ZMYM4: variants seen among roughly 807,000 people sequenced by gnomAD.
The protein encoded by ZMYM4 is zinc finger MYM-type protein 4.
ZMYM4 carries 31 observed loss-of-function variants against 183.2 expected under a neutral mutation model. The ratio of observed to expected loss-of-function variants is 0.17; its 90% CI spans 0.13 to 0.23. The LOEUF (loss-of-function observed/expected upper bound fraction) is 0.23, where lower values mean the gene tolerates loss of function less well. Ranked by LOEUF, ZMYM4 falls within the 10% of genes least tolerant of loss-of-function variation. The probability of loss-of-function intolerance (pLI) is 1.00; values close to 1 mark genes in which losing one functional copy is unlikely to be tolerated. For missense variants in ZMYM4, 1,273 were observed against 1,840.3 expected (o/e 0.69, Z 5.64); for synonymous variants, 592 against 631.2 (o/e 0.94, Z 0.93).
chr1:35,379,293 A>T (rs574364785), intron 7 of ZMYM4, among the ~76,000 whole-genome samples: 12 of 152,048 alleles, frequency 7.9e-5, no homozygotes, highest in Admixed American at 2.0e-4. Context: ...TAGAGATGGG[A>T]TTTCACCATG....
intron 29 of ZMYM4, 145 bp from the exon 30 acceptor site, chr1:35,419,325 G>A: frequency 2.6e-6 from 2 of 767,856 alleles, no homozygotes; most frequent in Non-Finnish European, 4.1e-6. Flanking sequence ...TATTAGGTTG[G>A]TGCAAAAATA....
At chr1:35,328,895 A>T (rs1356522686) in intron 2 of ZMYM4, among the ~76,000 whole-genome samples, 1 of 152,080 alleles carries the variant, frequency 6.6e-6, no homozygotes, top group African/African-American at 2.4e-5. Flanking sequence ...AAAAAAGATT[A>T]ACTGTATCTC....
chr1:35,389,034 G>A lies in ZMYM4; in HGVS notation c.2388G>A (p.Glu796=), dbSNP rs1644642948. ...VQNNLGGKVE[E]FCCEECMSKY... is the part of the protein sequence containing the mutation. ...ATAATTTAGGAGGGAAAGTGGAAGA[G>A]TTCTGTTGTGAAGAATGCATGTCCA... The change falls in exon 14 of 30, where the codon GAG becomes GAA. Residue 796 remains glutamate (E), a synonymous_variant. Transcript: ENST00000314607. The surrounding 1 kb of genome is among the most constrained non-coding windows in gnomAD (Gnocchi z 4.0). 1 of 1,614,092 alleles carries A rather than the reference G, an allele frequency of 6.2e-7. No individual in the cohort carries two copies. The highest frequency in any genetic ancestry group is 1.3e-5 in the African/African-American group (1 of 75,058).
chr1:35,310,910 A>C (rs992167057), intron 1 of ZMYM4, among the ~76,000 whole-genome samples: 1 of 152,102 alleles, frequency 6.6e-6, no homozygotes, highest in Non-Finnish European at 1.5e-5. Context: ...CACGAGTATG[A>C]AAATCTATAA....
In ZMYM4 at chr1:35,359,325, C is replaced by A; in HGVS notation, c.486C>A (p.Ser162Arg). 6.2e-7 allele frequency: 1 copy of A among 1,610,904 alleles called. No homozygotes were observed. ...RKDFSLVREN[S>R]KETFSGKEKN... ...ATTTTAGTCTAGTAAGAGAAAACAG[C>A]AAAGAGACATTTTCTGGAAAGGAGA... Residue 162 changes from serine (S) to arginine (R), a missense_variant, in exon 3 of 30, where the codon AGC (serine) becomes AGA (arginine). This residue lies in a region of ZMYM4 where 384 missense variants were observed against 465.6 expected (regional missense o/e 0.82). Coordinates refer to ENST00000314607, the MANE Select transcript of ZMYM4 (RefSeq NM_005095.3).
At chr1:35,375,574 C>T (rs1257665072) in intron 7 of ZMYM4, among the ~76,000 whole-genome samples, 2 of 152,312 alleles carry the variant, frequency 1.3e-5, no homozygotes, top group East Asian at 1.9e-4. Flanking sequence ...TCTCTGATAA[C>T]TACTGCTACT....
intron 26 of ZMYM4, 84 bp from the exon 27 acceptor site, chr1:35,413,888 T>C (rs1250962889): frequency 2.5e-6 from 2 of 795,550 alleles, no homozygotes; most frequent in Non-Finnish European, 3.9e-6. Flanking sequence ...AAATTAAGGG[T>C]AAACTGTATT....
At chr1:35,331,321 C>T (rs1642736977) in intron 2 of ZMYM4, among the ~76,000 whole-genome samples, 1 of 152,072 alleles carries the variant, frequency 6.6e-6, no homozygotes, top group Admixed American at 6.6e-5. Flanking sequence ...TTTTAGTTCT[C>T]CTTAAATAAA....
chr1:35,327,343 C>T (rs1642549601), intron 2 of ZMYM4, among the ~76,000 whole-genome samples: 1 of 152,090 alleles, frequency 6.6e-6, no homozygotes, highest in Admixed American at 6.6e-5. Flanking sequence ...TTGAAGCATT[C>T]TGTAGAATAA....
rs540963924 is a variant in ZMYM4 at position 35,294,817 on chromosome 1, T to G, written c.39+25732T>G. On this transcript the variant is annotated intron_variant, in intron 1 of 29. Transcript: ENST00000314607. ...AAAAAATTAATTCAAAAGAATGAGA[T>G]TTGACTACATTGAAAACATTGTCAC... Among the ~76,000 whole-genome samples the G allele has an allele frequency of 2.0e-5, 3 of 152,346 alleles. No homozygotes were observed. In the South Asian group the frequency reaches 6.2e-4, roughly 32 times the overall value.
chr1:35,293,880 G>A (rs1640882020), intron 1 of ZMYM4, among the ~76,000 whole-genome samples: 2 of 152,020 alleles, frequency 1.3e-5, no homozygotes, highest in Non-Finnish European at 2.9e-5. Context: ...GGCCAGGCAC[G>A]GTGGCTCACA....
At chr1:35,417,826 A>G (rs1446576377) in intron 28 of ZMYM4, among the ~76,000 whole-genome samples, 3 of 152,124 alleles carry the variant, frequency 2.0e-5, no homozygotes, top group Non-Finnish European at 4.4e-5. Flanking sequence ...ACTGGCCAAC[A>G]TGGTGAAAAC....
intron 23 of ZMYM4, among the ~76,000 whole-genome samples, chr1:35,403,384 C>T (rs567260210): frequency 3.3e-5 from 5 of 152,312 alleles, no homozygotes; most frequent in African/African-American, 1.2e-4. Context: ...CTTCCAGGTT[C>T]AAGCAGTTCT....
chr1:35,309,113 C>A, intron 1 of ZMYM4: 1 of 829,392 alleles, frequency 1.2e-6, no homozygotes, highest in Non-Finnish European at 1.5e-6. Context: ...AATATGGATG[C>A]CAACCTCATT....
chr1:35,386,212 C>A, intron 11 of ZMYM4, 23 bp downstream of exon 11: 1 of 1,562,692 alleles, frequency 6.4e-7, no homozygotes, highest in South Asian at 1.1e-5. Context: ...GAACCTTCCT[C>A]TTCTTCAGTC....
chr1:35,335,942 A>G (rs1642957684), intron 2 of ZMYM4, among the ~76,000 whole-genome samples: 1 of 152,138 alleles, frequency 6.6e-6, no homozygotes, highest in Admixed American at 6.5e-5. Flanking sequence ...AAACAAAACA[A>G]AACAAAAAAC....
intron 7 of ZMYM4, among the ~76,000 whole-genome samples, chr1:35,373,127 C>G (rs1225953932): frequency 3.3e-5 from 5 of 151,778 alleles, no homozygotes; most frequent in African/African-American, 1.2e-4. Context: ...CCAATGCACT[C>G]CAGCCTGGAT....
At chr1:35,401,694 A>T (rs1210056291) in intron 23 of ZMYM4, among the ~76,000 whole-genome samples, 1 of 152,186 alleles carries the variant, frequency 6.6e-6, no homozygotes, top group East Asian at 1.9e-4. Flanking sequence ...CCTAACTCAT[A>T]GTAACTAAGA....
At chr1:35,316,113 G>C (rs192801013) in intron 1 of ZMYM4, among the ~76,000 whole-genome samples, 20 of 152,050 alleles carry the variant, frequency 1.3e-4, no homozygotes, top group African/African-American at 4.6e-4. Flanking sequence ...AAATTTGAAC[G>C]TTTGGAAAGA....
Sources: gnomAD v4.1 joint callset for allele counts (sites outside exome capture counted in the v4.1 genomes callset) on GRCh38, gnomAD v4.1.1 for gene constraint, gnomAD v4.1.1 regional missense constraint, Gnocchi (gnomAD v3.1) non-coding constraint, MANE v1.5 for transcripts, NCBI Gene and HGNC (gene_info 2026-07-23, HGNC 2026-07-21) for gene names.